Variants in MIGA1 observed in about 807,000 individuals in gnomAD.
MIGA1 encodes mitoguardin 1.
In MIGA1, 58 loss-of-function variants were observed where a neutral mutation model predicts 82.0. That is an observed-to-expected ratio of 0.71 (90% confidence interval 0.57 to 0.88). MIGA1 has a LOEUF of 0.88. Among genes scored for constraint, MIGA1 ranks in the 40% least tolerant of loss-of-function variants. MIGA1 has a pLI of 0.00. For missense variants in MIGA1, 751 were observed against 749.1 expected (o/e 1.00, Z -0.03); for synonymous variants, 249 against 253.6 (o/e 0.98, Z 0.17).
At chr1:77,849,500 A>G (rs1471066036) in intron 8 of MIGA1, among the ~76,000 whole-genome samples, 1 of 152,214 alleles carries the variant, frequency 6.6e-6, no homozygotes, top group Non-Finnish European at 1.5e-5. Context: ...TAAAATATGG[A>G]TTTGAACAAT....
intron 2 of MIGA1, among the ~76,000 whole-genome samples, chr1:77,798,493 T>A (rs1260023707): frequency 6.6e-6 from 1 of 152,174 alleles, no homozygotes; most frequent in African/African-American, 2.4e-5. Context: ...CGAAAGGAGT[T>A]TCCCCTTATA....
intron 8 of MIGA1, among the ~76,000 whole-genome samples, chr1:77,849,725 A>AAAT (rs1159675215): frequency 2.0e-5 from 3 of 152,150 alleles, no homozygotes; most frequent in Admixed American, 2.0e-4. Context: ...CTATCATTTA[A>AAAT]AATTTTTCTT....
intron 5 of MIGA1, chr1:77,811,192 T>C (rs1426307101): frequency 6.5e-7 from 1 of 1,542,278 alleles, no homozygotes; most frequent in Non-Finnish European, 9.0e-7. Context: ...GTCTATGCCA[T>C]TCAGATCCTT....
rs11408292 is a variant in MIGA1 at position 77,805,461 on chromosome 1, C to CTTT, written c.511-1498_511-1496dup. ...CAGCATAATGAAGAATATGCCTATT[C>CTTT]TTTTTTTTTTTTTTTTTTGTCTTTT... On this transcript the variant is annotated intron_variant, in intron 4 of 15. Transcript: ENST00000370791. Among the ~76,000 whole-genome samples, 116 of 110,332 alleles carry CTTT rather than the reference C, an allele frequency of 1.1e-3. 3 individuals are homozygous for CTTT. Among genetic ancestry groups the CTTT allele is most frequent in the African/African-American group, 3.0e-3 (87 of 28,856 alleles). The allele number at this position is 110,332 out of a possible 152,430, so 72.4% of individuals were successfully genotyped here.
intron 7 of MIGA1, among the ~76,000 whole-genome samples, chr1:77,831,611 C>T (rs1029081806): frequency 3.9e-5 from 6 of 152,182 alleles, no homozygotes; most frequent in Non-Finnish European, 8.8e-5. Context: ...TCCTACCAAT[C>T]TCTAAAACCA....
intron 7 of MIGA1, among the ~76,000 whole-genome samples, chr1:77,833,222 A>C (rs1459272004): frequency 6.6e-6 from 1 of 152,218 alleles, no homozygotes; most frequent in East Asian, 1.9e-4. Context: ...GTTTATTTTT[A>C]GGGAATGATA....
chr1:77,875,004 T>C lies in MIGA1; in HGVS notation c.1839T>C (p.Ser613=), dbSNP rs1165437450. The C allele has an allele frequency of 1.2e-6, 2 of 1,614,140 alleles. No homozygotes were observed. Among genetic ancestry groups the C allele is most frequent in the East Asian group, 4.5e-5 (2 of 44,872 alleles). Reference sequence around the variant, plus strand: ...CAGATGCCCTGAGGCATACAAGTAGTTGTCTAAGCAGTCATGGTCATGTTA... The same window carrying C: ...CAGATGCCCTGAGGCATACAAGTAGCTGTCTAAGCAGTCATGGTCATGTTA... The change falls in exon 16 of 16, where the codon AGT becomes AGC. Residue 613 remains serine (S), a synonymous_variant. Coordinates refer to ENST00000370791, the MANE Select transcript of MIGA1 (RefSeq NM_198549.4).
intron 2 of MIGA1, among the ~76,000 whole-genome samples, chr1:77,789,498 C>T (rs1432479088): frequency 6.6e-6 from 1 of 152,108 alleles, no homozygotes; most frequent in African/African-American, 2.4e-5. Context: ...GTGTGAGCCA[C>T]CGTGTTTGGC....
At chr1:77,870,256 T>TG (rs1685902598) in intron 14 of MIGA1, among the ~76,000 whole-genome samples, 1 of 121,958 alleles carries the variant, frequency 8.2e-6, no homozygotes, top group Non-Finnish European at 1.8e-5. Context: ...TCGGGGTGGC[T>TG]GCCGGGCGGA....
Position 77,878,393 on chromosome 1 carries a change from T to TCAAAA in MIGA1, c.*3330_*3334dup, listed in dbSNP as rs1646910287. On this transcript the variant is annotated 3_prime_UTR_variant, in exon 16 of 16. Transcript: ENST00000370791. ...TGGGCAACAAGAGTAAAACTCTGTCTCAAAAAAAAAAAAAAAAAAAAAAAA... is the reference window on the plus strand; with the variant it reads ...TGGGCAACAAGAGTAAAACTCTGTCTCAAAACAAAAAAAAAAAAAAAAAAAAAAAA... The TCAAAA allele has an allele frequency of 2.7e-4, 1 of 3,746 alleles. No individual in the cohort carries two copies. The highest frequency in any genetic ancestry group is 1.0e-3 in the Non-Finnish European group (1 of 964). The allele number at this position is 3,746 out of a possible 1,614,324, so 0.2% of individuals were successfully genotyped here.
intron 13 of MIGA1, among the ~76,000 whole-genome samples, chr1:77,864,831 T>A (rs1685603253): frequency 6.6e-6 from 1 of 152,244 alleles, no homozygotes; most frequent in African/African-American, 2.4e-5. Context: ...TCTGTTCTTT[T>A]CTGTTCTCAA....
chr1:77,835,171 T>C (rs1684381582), intron 7 of MIGA1, among the ~76,000 whole-genome samples: 1 of 152,168 alleles, frequency 6.6e-6, no homozygotes, highest in South Asian at 2.1e-4. Context: ...GGACTTCTAG[T>C]TTTCTTTAAA....
rs766606394 is a variant in MIGA1, at chr1:77,779,711, C to G, written c.56C>G (p.Pro19Arg). 6.3e-6 allele frequency: 10 copies of G among 1,586,118 alleles called. No individual in the cohort carries two copies. In the Admixed American group the frequency reaches 1.8e-4, roughly 28 times the overall value. ...AGCTGGGAAGCTGGCGTGGGCAGGC[C>G]AGCTGTACCTGGCCTGGAGCTCCAG... Residue 19 changes from proline (P) to arginine (R), a missense_variant, in exon 1 of 16, where the codon CCA becomes CGA. Around this residue, in one of 3 missense-constraint regions of MIGA1, gnomAD observed 482 missense variants for 439.4 expected, o/e 1.10. Coordinates refer to ENST00000370791, the MANE Select transcript of MIGA1 (RefSeq NM_198549.4).
At chr1:77,847,185 G>T (rs867402968) in intron 8 of MIGA1, 3 of 1,298,572 alleles carry the variant, frequency 2.3e-6, no homozygotes, top group South Asian at 2.4e-5. Flanking sequence ...TGCAAAAACC[G>T]TCAGTGTTTG....
At position 77,823,092 on chromosome 1, in the gene MIGA1, C is replaced by T. The variant is rs575794386; in HGVS notation, c.895+7861C>T. ...TCCTGACCTCGTGATCCTCCCGCCT[C>T]GGCCTCCCAAAGTGCTGGAATTACA... On this transcript the variant is annotated intron_variant, in intron 7 of 15. Coordinates refer to ENST00000370791, the MANE Select transcript of MIGA1 (RefSeq NM_198549.4). Among the ~76,000 whole-genome samples, 46 of 152,236 alleles carry T rather than the reference C, an allele frequency of 3.0e-4. No homozygotes were observed. The South Asian group carries it at 3.9e-3, about 13-fold the overall frequency.
chr1:77,852,334 T>C (rs1047918209), intron 8 of MIGA1, among the ~76,000 whole-genome samples: 2 of 152,216 alleles, frequency 1.3e-5, no homozygotes, highest in African/African-American at 4.8e-5. Context: ...TTTAAAAAGC[T>C]GTTTAGTTTT....
intron 8 of MIGA1, among the ~76,000 whole-genome samples, chr1:77,857,723 G>GTTTTTTT (rs1273544813): frequency 1.8e-5 from 2 of 112,924 alleles, no homozygotes; most frequent in African/African-American, 3.1e-5. Context: ...TTTCTGGGTT[G>GTTTTTTT]TTGTTTTTTT....
At position 77,873,245 on chromosome 1, in the gene MIGA1, A is replaced by T. The variant is rs941442810; in HGVS notation, c.1680+125A>T. ...ATTTAAGAGTAAAGTTATAAAAGTC[A>T]CCTAAATTCAGCATTTAAATGTCAG... On this transcript the variant is annotated intron_variant, in intron 15 of 15. Transcript: ENST00000370791. The T allele has an allele frequency of 4.2e-6, 4 of 948,186 alleles. No individual in the cohort carries two copies. The African/African-American group carries it at 6.6e-5, about 16-fold the overall frequency. 58.7% of individuals were successfully genotyped at this position (948,186 alleles called of 1,614,324 possible).
chr1:77,823,409 G>T (rs986318026), intron 7 of MIGA1, among the ~76,000 whole-genome samples: 1 of 152,132 alleles, frequency 6.6e-6, no homozygotes, highest in African/African-American at 2.4e-5. Context: ...TAAAGGGGGA[G>T]AATTTTGTGG....
Sources: allele counts gnomAD v4.1 joint callset (sites outside exome capture counted in the v4.1 genomes callset), GRCh38; gene constraint gnomAD v4.1.1; regional missense constraint gnomAD v4.1.1; transcripts MANE v1.5; gene names NCBI Gene and HGNC (gene_info 2026-07-23, HGNC 2026-07-21).